Variants in ZBBX observed in about 807,000 individuals in gnomAD.
ZBBX encodes zinc finger B-box domain containing, also known as zinc finger B-box domain-containing protein 1.
ZBBX carries 101 observed loss-of-function variants against 108.5 expected under a neutral mutation model. That is an observed-to-expected ratio of 0.93 (90% CI 0.79 to 1.10). The LOEUF is 1.10. Among genes scored for constraint, ZBBX ranks in the 50% least tolerant of loss-of-function variants. The probability of loss-of-function intolerance (pLI) is 0.00; values close to 1 mark genes in which losing one functional copy is unlikely to be tolerated. For missense variants in ZBBX, 1,009 were observed against 941.4 expected (o/e 1.07, Z -0.94); for synonymous variants, 356 against 323.4 (o/e 1.10, Z -1.08).
intron 16 of ZBBX, among the ~76,000 whole-genome samples, chr3:167,309,718 T>C (rs1252576296): frequency 1.3e-5 from 2 of 152,224 alleles, no homozygotes; most frequent in Non-Finnish European, 2.9e-5. Flanking sequence ...ATTTTTCCCT[T>C]CTAGGCCTAC....
the ZBBX span, among the ~76,000 whole-genome samples, chr3:167,180,661 C>T: frequency 6.6e-6 from 1 of 152,202 alleles, no homozygotes; most frequent in African/African-American, 2.4e-5. Context: ...AATTGTTGAA[C>T]TGTTTAACTT....
chr3:167,390,896 G>A (rs1020837574), intron 1 of ZBBX, among the ~76,000 whole-genome samples: 1 of 152,074 alleles, frequency 6.6e-6, no homozygotes, highest in Non-Finnish European at 1.5e-5. Context: ...CTGAGACTAT[G>A]GGGTTTTCTA....
chr3:167,369,729 A>T (rs934323407), intron 4 of ZBBX, among the ~76,000 whole-genome samples: 1 of 152,212 alleles, frequency 6.6e-6, no homozygotes, highest in Non-Finnish European at 1.5e-5. Context: ...CTACCTGGGC[A>T]CAAAGAAACA....
At chr3:167,259,416 G>T (rs1724073133) in intron 20 of ZBBX, among the ~76,000 whole-genome samples, 1 of 151,966 alleles carries the variant, frequency 6.6e-6, no homozygotes, top group Non-Finnish European at 1.5e-5. Context: ...TCTTTTCGAA[G>T]AACCACCTGT....
the ZBBX span, among the ~76,000 whole-genome samples, chr3:167,208,963 A>G: frequency 2.6e-5 from 4 of 152,108 alleles, no homozygotes; most frequent in Non-Finnish European, 5.9e-5. Flanking sequence ...CAGGCCTGAT[A>G]GGATTCACCA....
Position 167,271,781 on chromosome 3 carries a change from C to T in ZBBX, c.2254+10457G>A, listed in dbSNP as rs908385406. Among the ~76,000 whole-genome samples, 32 of 152,198 alleles carry T rather than the reference C, an allele frequency of 2.1e-4. 1 individual carries two copies. The highest frequency in any genetic ancestry group is 2.0e-3 in the Admixed American group (30 of 15,284). ...CATTCCAAAGTATTCAGAGTGACTA[C>T]ACGGAAATGCCCCCAGTTGCTCATC... is the stretch of plus-strand genomic sequence containing the variant. On this transcript the variant is annotated intron_variant, in intron 20 of 21. Transcript: ENST00000675490.
the ZBBX span, among the ~76,000 whole-genome samples, chr3:167,180,009 A>G: frequency 2.0e-5 from 3 of 151,952 alleles, no homozygotes; most frequent in Admixed American, 6.6e-5. Context: ...AAGTTTTCCC[A>G]TTTCCTATCA....
At chr3:167,265,434 G>T (rs1725292840) in intron 20 of ZBBX, among the ~76,000 whole-genome samples, 1 of 152,180 alleles carries the variant, frequency 6.6e-6, no homozygotes, top group African/African-American at 2.4e-5. Flanking sequence ...CTCTCCTACT[G>T]TGGCTGAGCT....
intron 9 of ZBBX, among the ~76,000 whole-genome samples, chr3:167,343,828 A>T (rs1404933087): frequency 1.3e-5 from 2 of 151,916 alleles, no homozygotes; most frequent in African/African-American, 4.8e-5. Flanking sequence ...CAAACAATTA[A>T]AAATGGAGTT....
At chr3:167,405,775 C>T (rs566115390) in intron 1 of ZBBX, among the ~76,000 whole-genome samples, 3 of 152,276 alleles carry the variant, frequency 2.0e-5, no homozygotes, top group African/African-American at 7.2e-5. Context: ...CTCTCTTCAG[C>T]TTAAGAAACC....
intron 20 of ZBBX, among the ~76,000 whole-genome samples, chr3:167,274,857 C>G (rs537483163): frequency 6.6e-6 from 1 of 152,250 alleles, no homozygotes; most frequent in Admixed American, 6.5e-5. Flanking sequence ...AGATAGGGAT[C>G]GCGTTAAGGA....
chr3:167,405,991 G>A (rs369904439), intron 1 of ZBBX, among the ~76,000 whole-genome samples: 63 of 142,526 alleles, frequency 4.4e-4, no homozygotes, highest in Non-Finnish European at 6.9e-4. Flanking sequence ...ACTTGAACCC[G>A]GGGGGCAGAG....
At chr3:167,375,519 G>T (rs1746819121) in intron 2 of ZBBX, among the ~76,000 whole-genome samples, 1 of 151,966 alleles carries the variant, frequency 6.6e-6, no homozygotes, top group Non-Finnish European at 1.5e-5. Flanking sequence ...TTGAACCCGG[G>T]AGGTCGAGAT....
At chr3:167,200,333 A>T in the ZBBX span, among the ~76,000 whole-genome samples, 1 of 152,160 alleles carries the variant, frequency 6.6e-6, no homozygotes, top group African/African-American at 2.4e-5. Flanking sequence ...ATTACACTAA[A>T]TATTTTGATT....
intron 4 of ZBBX, among the ~76,000 whole-genome samples, chr3:167,372,631 G>T (rs981328235): frequency 6.6e-6 from 1 of 151,878 alleles, no homozygotes; most frequent in Non-Finnish European, 1.5e-5. Context: ...TTTATAACTT[G>T]TCACATTGGT....
intron 18 of ZBBX, among the ~76,000 whole-genome samples, chr3:167,293,177 G>A (rs1364231615): frequency 2.0e-5 from 3 of 152,072 alleles, no homozygotes; most frequent in South Asian, 2.1e-4. Flanking sequence ...AGAAAAAGAG[G>A]GACGCCTCCC....
intron 20 of ZBBX, among the ~76,000 whole-genome samples, chr3:167,242,886 CAT>C (rs1288378204): frequency 5.3e-5 from 8 of 151,594 alleles, no homozygotes; most frequent in African/African-American, 1.5e-4. Context: ...ACATTTATAA[CAT>C]GTGTCAAATG....
rs1267968943 is a variant in ZBBX, at chr3:167,337,133, T to C, written c.529-3148A>G. On this transcript the variant is annotated intron_variant, in intron 9 of 21. Coordinates refer to ENST00000675490, the MANE Select transcript of ZBBX (RefSeq NM_001199201.2). ...AAAAGGTGAGTGGTATCTAAAAGAATGAGGATTATAACATAGATTAAAATT... is the reference window on the plus strand; with the variant it reads ...AAAAGGTGAGTGGTATCTAAAAGAACGAGGATTATAACATAGATTAAAATT... 3.3e-5 allele frequency among the ~76,000 whole-genome samples: 5 copies of C among 152,146 alleles called. No individual in the cohort carries two copies. In the South Asian group the frequency reaches 1.0e-3, roughly 31 times the overall value.
At chr3:167,394,287 A>G (rs1251417121) in intron 1 of ZBBX, among the ~76,000 whole-genome samples, 1 of 151,920 alleles carries the variant, frequency 6.6e-6, no homozygotes, top group Non-Finnish European at 1.5e-5. Context: ...TACAAAGCTA[A>G]TGGCTAAGCA....
Sources: allele counts gnomAD v4.1 joint callset (sites outside exome capture counted in the v4.1 genomes callset), GRCh38; gene constraint gnomAD v4.1.1; transcripts MANE v1.5; gene names NCBI Gene and HGNC (gene_info 2026-07-23, HGNC 2026-07-21).